TAF1: variants seen among roughly 807,000 people sequenced by gnomAD.
TAF1 encodes transcription initiation factor TFIID subunit 1.
Under a neutral mutation model 138.5 loss-of-function variants are expected in TAF1, and 2 were observed. That is an observed-to-expected ratio of 0.01 (90% CI 0.01 to 0.05). The LOEUF is 0.05. Ranked by LOEUF, TAF1 falls within the 10% of genes least tolerant of loss-of-function variation. TAF1 has a pLI of 1.00. For synonymous variants in TAF1, 437 were observed against 503.2 expected, an observed-to-expected ratio of 0.87 and a Z score of 1.76; for missense variants, 709 against 1,478.0, an observed-to-expected ratio of 0.48 and a Z score of 8.53.
chrX:71,378,522 C>CT (rs1248266910), intron 7 of TAF1, 69 bp downstream of exon 7: 1 of 1,133,301 alleles, frequency 8.8e-7, no homozygotes, highest in Non-Finnish European at 1.2e-6. Flanking sequence ...TAACTTTACT[C>CT]TTTAATTGGG....
chrX:71,454,295 C>T (rs1490773415), intron 33 of TAF1, 58 bp downstream of exon 33: 1 of 1,066,633 alleles, frequency 9.4e-7, no homozygotes, highest in Non-Finnish European at 1.3e-6. Context: ...CCCATCTTTA[C>T]AAAAAAAGAT....
chrX:71,413,884 G>C (rs149617046), intron 28 of TAF1: 1 of 111,665 alleles, frequency 9.0e-6, no homozygotes, highest in African/African-American at 3.2e-5. Context: ...GAGAGTGTTC[G>C]CAGTCATCAT....
intron 13 of TAF1, chrX:71,492,790 TCA>T (rs1182310875): frequency 3.5e-5 from 4 of 113,115 alleles, no homozygotes; most frequent in Middle Eastern, 4.6e-3. Context: ...CCCGGCTAAC[TCA>T]CGCCTCCCCA....
chrX:71,404,251 C>T (rs1294699365), intron 25 of TAF1, among the ~76,000 whole-genome samples: 4 of 111,233 alleles, frequency 3.6e-5, no homozygotes, highest in Non-Finnish European at 7.5e-5. Flanking sequence ...GGATTACAGG[C>T]GTGAGCCACC....
At chrX:71,453,036 CAGAGGGAGACCGTGGAAAGAGAGGG>C (rs765594874) in intron 32 of TAF1, among the ~76,000 whole-genome samples, 167 of 110,522 alleles carry the variant, frequency 1.5e-3, no homozygotes, top group Middle Eastern at 4.6e-3. Context: ...GGCTCGGCAT[CAGAGGGAGACCGTGGAAAGAGAGGG>C]AGAGGGAGAC....
intron 32 of TAF1, among the ~76,000 whole-genome samples, chrX:71,428,310 G>C (rs2036702024): frequency 9.0e-6 from 1 of 111,447 alleles, no homozygotes; most frequent in Admixed American, 9.6e-5. Flanking sequence ...TGAGACAGGT[G>C]CTCTCACGTA....
intron 32 of TAF1, among the ~76,000 whole-genome samples, chrX:71,426,318 A>C (rs2036588202): frequency 9.0e-6 from 1 of 111,041 alleles, no homozygotes; most frequent in African/African-American, 3.3e-5. Context: ...TGAGTTCTGA[A>C]AGATCAATGG....
At chrX:71,389,453 A>G in intron 17 of TAF1, 132 bp from the exon 18 acceptor site, 3 of 496,383 alleles carry the variant, frequency 6.0e-6, no homozygotes, top group Non-Finnish European at 1.0e-5. Context: ...GGTGTTAGAT[A>G]TAGTGAAGAC....
At chrX:71,388,704 A>C in intron 16 of TAF1, 34 bp from the exon 17 acceptor site, 1 of 1,209,412 alleles carries the variant, frequency 8.3e-7, no homozygotes, top group Non-Finnish European at 1.1e-6. Flanking sequence ...GGAATTCAGA[A>C]TGGTCTCATT....
rs145130280 is a variant in TAF1, at chrX:71,424,577, A to G, written c.4753+339A>G. ...TATTAAAATTTATGTGCGTAAAGCA[A>G]CCTTGAGCAGTGATAGCAGAATCAA... On this transcript the variant is annotated intron_variant, in intron 32 of 37. Transcript: ENST00000423759. 9.1e-5 allele frequency among the ~76,000 whole-genome samples: 10 copies of G among 110,258 alleles called. No individual in the cohort carries two copies. The South Asian group carries it at 1.9e-3, about 21-fold the overall frequency.
chrX:71,494,423 A>AAAATAAAT (rs759740708), intron 13 of TAF1, among the ~76,000 whole-genome samples: 18 of 110,425 alleles, frequency 1.6e-4, no homozygotes, highest in African/African-American at 5.0e-4. Context: ...ACTCTGTCTC[A>AAAATAAAT]AAATAAATAA....
chrX:71,484,214 A>G (rs1470402100), intron 13 of TAF1, among the ~76,000 whole-genome samples: 2 of 110,811 alleles, frequency 1.8e-5, no homozygotes, highest in East Asian at 2.8e-4. Flanking sequence ...TAATTTTCCA[A>G]TTTTTTGCTT....
chrX:71,484,133 G>C (rs1263146345), intron 13 of TAF1, among the ~76,000 whole-genome samples: 1 of 110,179 alleles, frequency 9.1e-6, no homozygotes, highest in South Asian at 3.7e-4. Context: ...GCCTCCCAAA[G>C]TGCTGGGATT....
chrX:71,376,178 T>G (rs2033460436), intron 4 of TAF1, among the ~76,000 whole-genome samples: 1 of 112,083 alleles, frequency 8.9e-6, no homozygotes, highest in South Asian at 3.7e-4. Flanking sequence ...TTTAAGCCAT[T>G]TCTTTTAACA....
In TAF1 at chrX:71,366,506, G is replaced by T; in HGVS notation, c.120+12G>T. The T allele has an allele frequency of 9.2e-7, 1 of 1,091,943 alleles. No individual in the cohort carries two copies. The highest frequency in any genetic ancestry group is 1.2e-6 in the Non-Finnish European group (1 of 819,236). 90.0% of individuals were successfully genotyped at this position (1,091,943 alleles called of 1,213,427 possible). On this transcript the variant is annotated intron_variant, in intron 1 of 37. Transcript: ENST00000423759. ...GCGTCTTGGATGATGTGAGGGGGTG[G>T]GCGTGGGGGTAGGGCTCGGGGGGTG...
intron 28 of TAF1, among the ~76,000 whole-genome samples, chrX:71,412,734 C>T (rs1229190585): frequency 2.7e-5 from 3 of 111,571 alleles, no homozygotes; most frequent in South Asian, 3.7e-4. Flanking sequence ...GCTATAGGCG[C>T]GTGCCACCCA....
chrX:71,474,967 T>C (rs1433911042), intron 13 of TAF1, among the ~76,000 whole-genome samples: 1 of 111,497 alleles, frequency 9.0e-6, no homozygotes, highest in Non-Finnish European at 1.9e-5. Context: ...GGGAGTGTAA[T>C]AGGCAAAGGG....
At chrX:71,412,003 G>A (rs986320351) in intron 28 of TAF1, among the ~76,000 whole-genome samples, 3 of 111,385 alleles carry the variant, frequency 2.7e-5, no homozygotes, top group South Asian at 7.4e-4. Context: ...TGATCTGCCC[G>A]CCTCGGCCTC....
downstream of TAF1, among the ~76,000 whole-genome samples, chrX:71,468,694 A>G (rs12393944): frequency 9.5e-6 from 1 of 104,953 alleles, no homozygotes; most frequent in Non-Finnish European, 2.0e-5. Context: ...CAAAAAAAAA[A>G]AAAAAAAATT....
Sources: gnomAD v4.1 joint callset for allele counts (sites outside exome capture counted in the v4.1 genomes callset) on GRCh38, gnomAD v4.1.1 for gene constraint, MANE v1.5 for transcripts, NCBI Gene and HGNC (gene_info 2026-07-23, HGNC 2026-07-21) for gene names.